The following PLCG2 variants were observed in gnomAD, a reference collection of about 807,000 sequenced individuals.
PLCG2 encodes 1-phosphatidylinositol 4,5-bisphosphate phosphodiesterase gamma-2.
Under a neutral mutation model 175.6 loss-of-function variants are expected in PLCG2, and 69 were observed. That is an observed-to-expected ratio of 0.39 (90% CI 0.32 to 0.48). PLCG2 has a LOEUF of 0.48. Ranked by LOEUF, PLCG2 falls within the 20% of genes least tolerant of loss-of-function variation. PLCG2 has a pLI of 0.91. For missense variants in PLCG2, 1,798 were observed against 1,650.9 expected (o/e 1.09, Z -1.54); for synonymous variants, 827 against 624.0 (o/e 1.33, Z -4.85).
At chr16:81,810,079 C>T (rs1378155299) in intron 2 of PLCG2, among the ~76,000 whole-genome samples, 1 of 152,058 alleles carries the variant, frequency 6.6e-6, no homozygotes, top group African/African-American at 2.4e-5. Context: ...GCAACCTCCT[C>T]CTCCTGGGTT....
intron 27 of PLCG2, among the ~76,000 whole-genome samples, chr16:81,936,654 T>C (rs1258502456): frequency 6.6e-6 from 1 of 152,178 alleles, no homozygotes; most frequent in East Asian, 1.9e-4. Flanking sequence ...AATGCATTAG[T>C]TCATGTAATT....
intron 9 of PLCG2, among the ~76,000 whole-genome samples, chr16:81,886,527 G>C (rs1357007119): frequency 6.6e-6 from 1 of 152,154 alleles, no homozygotes; most frequent in Non-Finnish European, 1.5e-5. Context: ...AATAATGGCA[G>C]CATTTTTAAT....
intron 1 of PLCG2, among the ~76,000 whole-genome samples, chr16:81,746,734 T>TAATAATTCCCACTTCTCAGGCTTGATA (rs1909714835): frequency 6.6e-6 from 1 of 152,152 alleles, no homozygotes; most frequent in African/African-American, 2.4e-5. Flanking sequence ...GTGGGCATAT[T>TAATAATTCCCACTTCTCAGGCTTGATA]AATAATTCCC....
chr16:81,769,817 C>A (rs1244435272), intron 2 of PLCG2, among the ~76,000 whole-genome samples: 4 of 66,448 alleles, frequency 6.0e-5, no homozygotes, highest in Admixed American at 1.9e-4. Flanking sequence ...GAGACTCCGT[C>A]TCAAAAAAAA....
At chr16:81,891,312 C>T (rs768232941) in intron 10 of PLCG2, among the ~76,000 whole-genome samples, 160 bp from the exon 11 acceptor site, 2 of 152,148 alleles carry the variant, frequency 1.3e-5, no homozygotes, top group Non-Finnish European at 2.9e-5. Context: ...GCAGCCTGAG[C>T]CTTCGGTATT....
chr16:81,812,282 C>G (rs1031177561), intron 2 of PLCG2, among the ~76,000 whole-genome samples: 6 of 152,008 alleles, frequency 3.9e-5, no homozygotes, highest in African/African-American at 1.5e-4. Context: ...ATCTCCTGAC[C>G]TCGTGATCCA....
chr16:81,772,815 A>AG (rs996140277), intron 2 of PLCG2, among the ~76,000 whole-genome samples: 3 of 151,876 alleles, frequency 2.0e-5, no homozygotes, highest in Admixed American at 6.6e-5. Context: ...TCTCCAAAAA[A>AG]AAGAATGACT....
chr16:81,874,953 T>TTTGTTTTTTCGTTC (rs779252843), intron 7 of PLCG2, among the ~76,000 whole-genome samples: 1 of 122,892 alleles, frequency 8.1e-6, no homozygotes, highest in Non-Finnish European at 1.7e-5. Context: ...TATGTGTTTT[T>TTTGTTTTTTCGTTC]TTTTTTTTTT....
At chr16:81,776,028 C>A (rs117655571), upstream of PLCG2, among the ~76,000 whole-genome samples, 54 of 150,754 alleles carry the variant, frequency 3.6e-4, no homozygotes, top group East Asian at 0.01. Flanking sequence ...TAACCTGTGA[C>A]AGGGCCTTTC....
chr16:81,801,269 A>G (rs780785192), intron 2 of PLCG2, among the ~76,000 whole-genome samples: 8 of 152,170 alleles, frequency 5.3e-5, no homozygotes, highest in Non-Finnish European at 1.0e-4. Context: ...AAGTTCTCAT[A>G]AGTACCCTTC....
intron 24 of PLCG2, among the ~76,000 whole-genome samples, chr16:81,929,395 T>C (rs1438972529): frequency 1.3e-5 from 2 of 152,164 alleles, no homozygotes; most frequent in South Asian, 2.1e-4. Context: ...CATTCATTCA[T>C]TTATTATTAT....
rs563411127 is a variant in PLCG2 at position 81,888,599 on chromosome 16, C to T, written c.766-573C>T. Among the ~76,000 whole-genome samples the T allele has an allele frequency of 4.6e-5, 7 of 152,286 alleles. 1 individual carries two copies. The highest frequency in any genetic ancestry group is 1.7e-4 in the African/African-American group (7 of 41,552). On this transcript the variant is annotated intron_variant, in intron 9 of 32. Transcript: ENST00000564138. Reference sequence around the variant, plus strand: ...CATTTCATACAATGCTTCACAGAAACTGTGTGGTAGATACTCTTATTCCCA... The same window carrying T: ...CATTTCATACAATGCTTCACAGAAATTGTGTGGTAGATACTCTTATTCCCA...
intron 2 of PLCG2, among the ~76,000 whole-genome samples, chr16:81,792,677 A>C (rs1443738056): frequency 6.6e-6 from 1 of 152,052 alleles, no homozygotes; most frequent in Non-Finnish European, 1.5e-5. Context: ...GGAGAAGGAG[A>C]GCTGAGTGAA....
At chr16:81,895,977 G>C in intron 13 of PLCG2, 50 bp downstream of exon 13, 1 of 1,609,968 alleles carries the variant, frequency 6.2e-7, no homozygotes. Context: ...AAGGCAGCTA[G>C]GGTTGGATAG....
At chr16:81,829,741 T>C (rs1450917588) in intron 2 of PLCG2, among the ~76,000 whole-genome samples, 1 of 152,194 alleles carries the variant, frequency 6.6e-6, no homozygotes, top group Admixed American at 6.5e-5. Context: ...TGTAGAGCAT[T>C]CCATTGGTGA....
chr16:81,804,786 C>T (rs1911916389), intron 2 of PLCG2, among the ~76,000 whole-genome samples: 1 of 152,174 alleles, frequency 6.6e-6, no homozygotes, highest in African/African-American at 2.4e-5. Context: ...CAATCAGTTA[C>T]CTCCTAAGAG....
chr16:81,760,273 C>A (rs1001577862), intron 2 of PLCG2, among the ~76,000 whole-genome samples: 4 of 152,154 alleles, frequency 2.6e-5, no homozygotes, highest in African/African-American at 9.7e-5. Context: ...GAGCAGTGCC[C>A]ACTGCCAGGA....
At chr16:81,810,381 G>A (rs1904307528) in intron 2 of PLCG2, among the ~76,000 whole-genome samples, 1 of 152,166 alleles carries the variant, frequency 6.6e-6, no homozygotes, top group Admixed American at 6.5e-5. Flanking sequence ...CAGCATCTAT[G>A]CTTGGCCTTC....
chr16:81,838,778 A>AATATATATATATATATATATATAT (rs10549962), intron 2 of PLCG2, among the ~76,000 whole-genome samples: 15 of 141,682 alleles, frequency 1.1e-4, no homozygotes, highest in African/African-American at 3.9e-4. Context: ...AGTAAAATTA[A>AATATATATATATATATATATATAT]ATATATATAT....
Sources: gnomAD v4.1 joint callset for allele counts (sites outside exome capture counted in the v4.1 genomes callset) on GRCh38, gnomAD v4.1.1 for gene constraint, MANE v1.5 for transcripts, NCBI Gene and HGNC (gene_info 2026-07-23, HGNC 2026-07-21) for gene names.